CDKN2A: variants seen among roughly 807,000 people sequenced by gnomAD.
The protein encoded by CDKN2A is cyclin-dependent kinase inhibitor 2A.
In CDKN2A, 3 loss-of-function variants were observed where a neutral mutation model predicts 11.1. That is an observed-to-expected ratio of 0.27 (90% confidence interval 0.12 to 0.70). CDKN2A has a LOEUF of 0.70. Ranked by LOEUF, CDKN2A falls within the 30% of genes least tolerant of loss-of-function variation. The pLI is 0.77. For synonymous variants in CDKN2A, 122 were observed against 108.1 expected (o/e 1.13, Z -0.80); for missense variants, 265 against 233.6 (o/e 1.13, Z -0.88).
At chr9:21,992,711 G>T (rs2131143819) in intron 2 of CDKN2A, among the ~76,000 whole-genome samples, 1 of 151,934 alleles carries the variant, frequency 6.6e-6, no homozygotes, top group East Asian at 1.9e-4. Flanking sequence ...TAAACAAAAT[G>T]ATTTTATATA....
At chr9:21,990,370 G>A (rs1820398564) in intron 2 of CDKN2A, among the ~76,000 whole-genome samples, 1 of 152,108 alleles carries the variant, frequency 6.6e-6, no homozygotes, top group Admixed American at 6.5e-5. Flanking sequence ...TCTCGTGTAT[G>A]ACACTTAAAC....
At chr9:21,972,515 A>G (rs1819814249) in intron 1 of CDKN2A, among the ~76,000 whole-genome samples, 1 of 152,228 alleles carries the variant, frequency 6.6e-6, no homozygotes, top group Admixed American at 6.5e-5. Flanking sequence ...AGACAAGGAA[A>G]CAGATTGCCC....
intron 2 of CDKN2A, among the ~76,000 whole-genome samples, chr9:21,984,780 G>A (rs1364655660): frequency 6.6e-6 from 1 of 151,954 alleles, no homozygotes; most frequent in Non-Finnish European, 1.5e-5. Context: ...GAGAATGGTT[G>A]TCCCCCTTTT....
chr9:21,973,856 T>C (rs1044419704), intron 1 of CDKN2A, among the ~76,000 whole-genome samples: 1 of 152,106 alleles, frequency 6.6e-6, no homozygotes, highest in African/African-American at 2.4e-5. Context: ...AAACACAATA[T>C]GTAGTTGCTT....
At chr9:21,990,173 G>T (rs1342850982) in intron 2 of CDKN2A, among the ~76,000 whole-genome samples, 1 of 152,128 alleles carries the variant, frequency 6.6e-6, no homozygotes, top group Non-Finnish European at 1.5e-5. Flanking sequence ...AGTGGGGGCG[G>T]AGAGAAGAGA....
intron 2 of CDKN2A, among the ~76,000 whole-genome samples, chr9:21,990,653 ACTGTTT>A (rs1235828148): frequency 9.3e-5 from 14 of 150,502 alleles, no homozygotes; most frequent in African/African-American, 3.4e-4. Flanking sequence ...AGAGAGAGAA[ACTGTTT>A]ACTGTTTGGA....
rs1820511548 is a variant in CDKN2A, at chr9:21,993,929, G to C, written c.-51C>G. On this transcript the variant is annotated 5_prime_UTR_variant, in exon 2 of 4. Transcript: ENST00000494262. Reference sequence around the variant, plus strand: ...AGCTCTGTTCGCCTCAGTTTCCCACGATTGAGGGGCTGTGTGAAGGGAGGT... The same window carrying C: ...AGCTCTGTTCGCCTCAGTTTCCCACCATTGAGGGGCTGTGTGAAGGGAGGT... 5.1e-5 allele frequency: 32 copies of C among 622,722 alleles called. 1 individual carries two copies. The South Asian group carries it at 6.0e-4, about 12-fold the overall frequency. 38.6% of individuals were successfully genotyped at this position (622,722 alleles called of 1,614,324 possible).
upstream of CDKN2A, chr9:21,975,043 CTA>C (rs1487813478): frequency 1.1e-5 from 15 of 1,364,934 alleles, no homozygotes; most frequent in Admixed American, 4.1e-4. Context: ...GGAGGAGGTG[CTA>C]TTAACTCCGA....
intron 2 of CDKN2A, chr9:21,969,921 C>G: frequency 5.0e-6 from 2 of 396,838 alleles, no homozygotes; most frequent in Non-Finnish European, 8.9e-6. Context: ...AGAGCTAACT[C>G]TTCACCCTGT....
At chr9:21,976,224 C>A (rs561234981), upstream of CDKN2A, among the ~76,000 whole-genome samples, 1 of 151,594 alleles carries the variant, frequency 6.6e-6, no homozygotes, top group East Asian at 2.0e-4. Flanking sequence ...ACTAAAAATA[C>A]AAAAATTAGC....
In CDKN2A at chr9:21,987,354, G is replaced by A. The variant is rs3731207; in HGVS notation, c.-4+6528C>T. Among the ~76,000 whole-genome samples, 1,434 of 146,654 alleles carry A rather than the reference G, an allele frequency of 9.8e-3. 22 individuals carry two copies. Among genetic ancestry groups the A allele is most frequent in the African/African-American group, 0.033 (1,306 of 39,772 alleles). On this transcript the variant is annotated intron_variant, in intron 2 of 3. Coordinates refer to the CDKN2A transcript ENST00000494262. ...AATTTTAGGTTGTCATGTTTATTAC[G>A]AGCCTGGTCTGGATCATAAAATGAA...
intron 1 of CDKN2A, 89 bp from the exon 2 acceptor site, chr9:21,971,297 G>C: frequency 6.5e-7 from 1 of 1,536,798 alleles, no homozygotes; most frequent in Non-Finnish European, 8.7e-7. Context: ...CCGCCAAGCA[G>C]ACCCCCACAC....
At position 21,974,461 on chromosome 9, in the gene CDKN2A, G is replaced by A. The variant is rs778019498; in HGVS notation, c.150+217C>T. The A allele has an allele frequency of 3.7e-6, 6 of 1,606,186 alleles. No homozygotes were observed. In the South Asian group the frequency reaches 6.7e-5, roughly 18 times the overall value. ...GATCTTCTCAGCATTCGAGAGATCT[G>A]TACGCGCGTGGCTCCTCATTCCTCT... On this transcript the variant is annotated intron_variant, in intron 1 of 2. Transcript: ENST00000304494. The surrounding 1 kb of genome is among the most constrained non-coding windows in gnomAD (Gnocchi z 5.2).
intron 2 of CDKN2A, chr9:21,992,109 A>C (rs2131143138): frequency 1.2e-6 from 1 of 839,116 alleles, no homozygotes; most frequent in Non-Finnish European, 1.4e-6. Flanking sequence ...AAAAATAAAA[A>C]GTCATAATAA....
At chr9:21,972,241 C>G (rs1819798245) in intron 1 of CDKN2A, among the ~76,000 whole-genome samples, 1 of 151,700 alleles carries the variant, frequency 6.6e-6, no homozygotes, top group Admixed American at 6.6e-5. Context: ...CTGAATAATG[C>G]CCCCCCACCC....
At chr9:21,985,170 G>A (rs897252189) in intron 2 of CDKN2A, among the ~76,000 whole-genome samples, 5 of 151,766 alleles carry the variant, frequency 3.3e-5, no homozygotes, top group African/African-American at 9.7e-5. Context: ...GTGTTGTTAC[G>A]GTTAAGATGA....
rs185513655 is a variant in CDKN2A, at chr9:21,968,948, C to A, written c.458-706G>T. 6.6e-6 allele frequency among the ~76,000 whole-genome samples: 1 copy of A among 152,244 alleles called. No homozygotes were observed. Among genetic ancestry groups the A allele is most frequent in the African/African-American group, 2.4e-5 (1 of 41,534 alleles). On this transcript the variant is annotated intron_variant, in intron 2 of 2. Coordinates refer to ENST00000304494, the MANE Select transcript of CDKN2A (RefSeq NM_000077.5). This position sits in a 1 kb window ranked among gnomAD's most constrained non-coding sequence, Gnocchi z 4.7. ...ATTTGCACTTGAAAGTCTCTTTTTA[C>A]GTTTATTCCTGAGGCAGCATTTGCA...
At chr9:21,973,025 C>G (rs1360296105) in intron 1 of CDKN2A, among the ~76,000 whole-genome samples, 1 of 152,036 alleles carries the variant, frequency 6.6e-6, no homozygotes, top group Non-Finnish European at 1.5e-5. Flanking sequence ...TTCAAAGAGA[C>G]AAAGAGAAAG....
At chr9:21,992,019 T>G in intron 2 of CDKN2A, 2 of 984,482 alleles carry the variant, frequency 2.0e-6, no homozygotes, top group Non-Finnish European at 2.4e-6. Flanking sequence ...AAGTAACAAA[T>G]CAACTATGGC....
Sources: gnomAD v4.1 joint callset for allele counts (sites outside exome capture counted in the v4.1 genomes callset) on GRCh38, gnomAD v4.1.1 for gene constraint, Gnocchi (gnomAD v3.1) non-coding constraint, MANE v1.5 for transcripts, NCBI Gene and HGNC (gene_info 2026-07-23, HGNC 2026-07-21) for gene names.